HECTD3: variants seen among roughly 807,000 people sequenced by gnomAD.
HECTD3 encodes HECT domain E3 ubiquitin protein ligase 3.
HECTD3 carries 72 observed loss-of-function variants against 109.3 expected under a neutral mutation model. The observed-to-expected ratio is 0.66, with a 90% CI of 0.54 to 0.80. The LOEUF is 0.80. Among genes scored for constraint, HECTD3 ranks in the 30% least tolerant of loss-of-function variants. The pLI, the probability that HECTD3 is intolerant of heterozygous loss-of-function variation, is 0.00. For synonymous variants in HECTD3, 481 were observed against 471.8 expected (o/e 1.02, Z -0.25); for missense variants, 1,041 against 1,165.2 (o/e 0.89, Z 1.55).
Position 45,010,112 on chromosome 1 carries a change from G to C in HECTD3, c.633C>G (p.Pro211=), listed in dbSNP as rs772554745. ...AEAVQRLLYV[P]PTWTYECDED... ...CGTCGCACTCGTAGGTCCATGTCGGGGGTACATAGCTAAGCAACCCCAAGC... is the reference window on the plus strand; with the variant it reads ...CGTCGCACTCGTAGGTCCATGTCGGCGGTACATAGCTAAGCAACCCCAAGC... The change falls in exon 4 of 21, where the codon CCC becomes CCG. Residue 211 remains proline (P), a synonymous_variant. Coordinates refer to ENST00000372172, the MANE Select transcript of HECTD3 (RefSeq NM_024602.6). The C allele has an allele frequency of 3.1e-6, 5 of 1,607,860 alleles. No individual in the cohort carries two copies. The highest frequency in any genetic ancestry group is 2.2e-5 in the East Asian group (1 of 44,692).
At chr1:45,008,153 T>C (rs1644752488) in intron 9 of HECTD3, 87 bp downstream of exon 9, 1 of 1,028,300 alleles carries the variant, frequency 9.7e-7, no homozygotes, top group African/African-American at 1.6e-5. Flanking sequence ...TGCCCTAGAG[T>C]AGATTTTAGG....
chr1:45,004,202 G>A, intron 17 of HECTD3, 46 bp downstream of exon 17: 1 of 1,613,652 alleles, frequency 6.2e-7, no homozygotes, highest in Non-Finnish European at 8.5e-7. Context: ...CCCAACCCCT[G>A]TGCTGTGCTG....
Position 45,003,352 on chromosome 1 carries a change from C to A in HECTD3, c.*140G>T. On this transcript the variant is annotated 3_prime_UTR_variant, in exon 21 of 21. Transcript: ENST00000372172. The surrounding 1 kb of genome is among the most constrained non-coding windows in gnomAD (Gnocchi z 4.7). Reference sequence around the variant, plus strand: ...TACCTGACCATGCCAGCTGCCCCTACCCCAACTGCACACAGGAGCAGGGCA... The same window carrying A: ...TACCTGACCATGCCAGCTGCCCCTAACCCAACTGCACACAGGAGCAGGGCA... 1 of 715,388 alleles carries A rather than the reference C, an allele frequency of 1.4e-6. No individual in the cohort carries two copies. Among genetic ancestry groups the A allele is most frequent in the Non-Finnish European group, 2.4e-6 (1 of 414,624 alleles). The allele number at this position is 715,388 out of a possible 1,614,324, so 44.3% of individuals were successfully genotyped here. A position where few individuals can be genotyped will look rare whatever the true frequency, so the allele number is the denominator to read the frequency against.
chr1:45,004,947 C>A (rs947446464), intron 15 of HECTD3, 141 bp from the exon 16 acceptor site: 1 of 729,870 alleles, frequency 1.4e-6, no homozygotes, highest in Non-Finnish European at 2.4e-6. Flanking sequence ...GGTGTCAGTA[C>A]AAGAGCTGTA....
At position 45,009,600 on chromosome 1, in the gene HECTD3, TACCCAGTGTTGGCACTGGG is replaced by T. The variant is rs1644766435; in HGVS notation, c.824_842del (p.Ser275TyrfsTer5). ...TGGTGCCCTTCTTCATAGTAAGCCGTACCCAGTGTTGGCACTGGGACCCATCGCTCTCCCAGTAGGTATC... is the reference window on the plus strand; with the variant it reads ...TGGTGCCCTTCTTCATAGTAAGCCGTACCCATCGCTCTCCCAGTAGGTATC... On this transcript the variant is annotated frameshift_variant, in exon 5 of 21. Coordinates refer to ENST00000372172, the MANE Select transcript of HECTD3 (RefSeq NM_024602.6). LOFTEE classifies it high-confidence loss of function. The T allele has an allele frequency of 6.2e-7, 1 of 1,613,794 alleles. No homozygotes were observed. Among genetic ancestry groups the T allele is most frequent in the Admixed American group, 1.7e-5 (1 of 59,990 alleles).
At chr1:45,010,495 C>T (rs756800250) in intron 2 of HECTD3, 51 bp downstream of exon 2, 1 of 1,607,970 alleles carries the variant, frequency 6.2e-7, no homozygotes, top group Non-Finnish European at 8.5e-7. Flanking sequence ...GTTCCCAAGC[C>T]CTCCTGGCCC....
Position 45,006,151 on chromosome 1 carries a change from G to A in HECTD3, c.1726-35C>T, listed in dbSNP as rs1348172944. On this transcript the variant is annotated intron_variant, in intron 13 of 20. Coordinates refer to ENST00000372172, the MANE Select transcript of HECTD3 (RefSeq NM_024602.6). The surrounding 1 kb of genome is among the most constrained non-coding windows in gnomAD (Gnocchi z 4.7). Reference sequence around the variant, plus strand: ...AGACAGAGCTGTGAGTGTGGCATGAGATACACCCTATTTTCCTGGCCCAAA... The same window carrying A: ...AGACAGAGCTGTGAGTGTGGCATGAAATACACCCTATTTTCCTGGCCCAAA... The A allele has an allele frequency of 6.2e-7, 1 of 1,600,226 alleles. No homozygotes were observed.
intron 9 of HECTD3, 56 bp from the exon 10 acceptor site, chr1:45,007,651 G>A (rs1644748438): frequency 6.9e-7 from 1 of 1,448,514 alleles, no homozygotes; most frequent in African/African-American, 1.4e-5. Flanking sequence ...CTCCGTCCAG[G>A]CCCTGGAACT....
intron 1 of HECTD3, 32 bp from the exon 2 acceptor site, chr1:45,010,738 C>A: frequency 6.6e-7 from 1 of 1,525,930 alleles, no homozygotes; most frequent in Non-Finnish European, 8.8e-7. Flanking sequence ...GGACAGCCGT[C>A]AGGGAACTGC....
intron 15 of HECTD3, 36 bp downstream of exon 15, chr1:45,005,758 T>G (rs1383070133): frequency 6.5e-7 from 1 of 1,532,632 alleles, no homozygotes; most frequent in African/African-American, 1.4e-5. Context: ...CTTTAGGGGC[T>G]GGGCAGAGGA....
rs750237411 is a variant in HECTD3, at chr1:45,003,608, C to T, written c.2502-32G>A. 4.3e-6 allele frequency: 7 copies of T among 1,613,452 alleles called. No individual in the cohort carries two copies. The highest frequency in any genetic ancestry group is 5.9e-6 in the Non-Finnish European group (7 of 1,179,462). ...GAATGGGGACTTGGTCAGGTCCCTA[C>T]ATCGCTACCAGGGGTGATGGGGTCC... On this transcript the variant is annotated intron_variant, in intron 20 of 20. Coordinates refer to ENST00000372172, the MANE Select transcript of HECTD3 (RefSeq NM_024602.6). The surrounding 1 kb of genome is among the most constrained non-coding windows in gnomAD (Gnocchi z 4.7).
In HECTD3 at chr1:45,006,065, G is replaced by C; in HGVS notation, c.1777C>G (p.Arg593Gly). 3 of 1,614,150 alleles carry C rather than the reference G, an allele frequency of 1.9e-6. No homozygotes were observed. In the South Asian group the frequency reaches 3.3e-5, roughly 18 times the overall value. Residue 593 changes from arginine (R) to glycine (G), a missense_variant, in exon 14 of 21, where the codon CGA becomes GGA. Physicochemically the swap from Arg to Gly is moderately radical, Grantham distance 125. This residue lies in a region of HECTD3 where 569 missense variants were observed against 715.3 expected (regional missense o/e 0.80). Transcript: ENST00000372172. This position sits in a 1 kb window ranked among gnomAD's most constrained non-coding sequence, Gnocchi z 4.7. ...ATCCATTCATACTTGGCAAAGTCTC[G>C]GCAGGAGGGGTTGGGTACATACATG... ...RDMYVPNPSC[R>G]DFAKYEWIGQ...
chr1:45,004,228 CCCTGCCTTGG>C lies in HECTD3; in HGVS notation c.2272+10_2272+19del, dbSNP rs1406149333. The C allele has an allele frequency of 1.9e-6, 3 of 1,613,892 alleles. No individual in the cohort carries two copies. Among genetic ancestry groups the C allele is most frequent in the Non-Finnish European group, 2.5e-6 (3 of 1,179,886 alleles). ...TGCTGTGCTGTGCTGCCCTGCCCTG[CCCTGCCTTGG>C]GGAACTCACTGAGCTTGCGCAGAGC... On this transcript the variant is annotated intron_variant, in intron 17 of 20. Transcript: ENST00000372172.
In HECTD3 at chr1:45,010,882, A is replaced by G. The variant is rs781254415; in HGVS notation, c.369+7T>C. 3 of 1,517,380 alleles carry G rather than the reference A, an allele frequency of 2.0e-6. No individual in the cohort carries two copies. Among genetic ancestry groups the G allele is most frequent in the Non-Finnish European group, 2.6e-6 (3 of 1,144,224 alleles). 94.0% of individuals were successfully genotyped at this position (1,517,380 alleles called of 1,614,324 possible). On this transcript the variant is annotated splice_region_variant and intron_variant, in intron 1 of 20. Transcript: ENST00000372172. ...TTTTACCGGGTCCTGGGCAGGGAAG[A>G]GCGCACCTTTGTCAGCTTCACCCAG... is the stretch of plus-strand genomic sequence containing the variant.
Position 45,009,468 on chromosome 1 carries a change from G to GT in HECTD3, c.889dup (p.Thr297AsnfsTer7). On this transcript the variant is annotated frameshift_variant, in exon 6 of 21. Transcript: ENST00000372172. LOFTEE classifies it high-confidence loss of function. ...AAAGTTGTCATCTGTGGTATCCACT[G>GT]TGAGTAGCAGCTTCCTGAAGGGTCA... is the stretch of plus-strand genomic sequence containing the variant. 1 of 1,613,932 alleles carries GT rather than the reference G, an allele frequency of 6.2e-7. No homozygotes were observed. Among genetic ancestry groups the GT allele is most frequent in the Non-Finnish European group, 8.5e-7 (1 of 1,179,800 alleles).
chr1:45,004,779 T>C lies in HECTD3; in HGVS notation c.1963A>G (p.Met655Val). Reference protein sequence around the residue: ...LVKLLEVMEGMDKETFEFKFG... With the variant: ...LVKLLEVMEGVDKETFEFKFG... The stretch of plus-strand genomic sequence containing the variant: ...TTGAACTCAAACGTCTCCTTGTCCA[T>C]TCCTTCCATCACTTCCAGGAGCTTC... Residue 655 changes from methionine (M) to valine (V), a missense_variant, in exon 16 of 21, where the codon ATG becomes GTG. Coordinates refer to ENST00000372172, the MANE Select transcript of HECTD3 (RefSeq NM_024602.6). 6.2e-7 allele frequency: 1 copy of C among 1,614,200 alleles called. No homozygotes were observed. Among genetic ancestry groups the C allele is most frequent in the Non-Finnish European group, 8.5e-7 (1 of 1,180,016 alleles).
In HECTD3 at chr1:45,009,658, G is replaced by A; in HGVS notation, c.785C>T (p.Thr262Ile). The change falls in exon 5 of 21, where the codon ACA (threonine) becomes ATA (isoleucine). Residue 262 changes from threonine to isoleucine, a missense_variant. Around this residue, in one of 2 missense-constraint regions of HECTD3, gnomAD observed 472 missense variants for 449.9 expected, o/e 1.05. Coordinates refer to ENST00000372172, the MANE Select transcript of HECTD3 (RefSeq NM_024602.6). ...YTEEFNVSCL[T>I]DSNADTYWES... ...CCAGTAGGTATCGGCATTGCTGTCT[G>A]TCAGGCAGGACACGTTGAACTCCTC... 1 of 1,614,036 alleles carries A rather than the reference G, an allele frequency of 6.2e-7. No individual in the cohort carries two copies. The highest frequency in any genetic ancestry group is 8.5e-7 in the Non-Finnish European group (1 of 1,179,942).
At position 45,006,173 on chromosome 1, in the gene HECTD3, CAA is replaced by C; in HGVS notation, c.1726-59_1726-58del. 6.3e-7 allele frequency: 1 copy of C among 1,583,158 alleles called. No individual in the cohort carries two copies. The highest frequency in any genetic ancestry group is 2.3e-5 in the East Asian group (1 of 44,258). On this transcript the variant is annotated intron_variant, in intron 13 of 20. Transcript: ENST00000372172. The surrounding 1 kb of genome is among the most constrained non-coding windows in gnomAD (Gnocchi z 4.7). ...TGAGATACACCCTATTTTCCTGGCC[CAA>C]AGACTTCCCTGAACATTTTCCACTG...
chr1:45,004,910 G>T, intron 15 of HECTD3, 104 bp from the exon 16 acceptor site: 1 of 996,826 alleles, frequency 1.0e-6, no homozygotes, highest in South Asian at 1.3e-5. Flanking sequence ...AGGCAAGGCA[G>T]TCCCCATGGA....
Sources: allele counts gnomAD v4.1 joint callset, GRCh38; gene constraint gnomAD v4.1.1; regional missense constraint gnomAD v4.1.1; non-coding constraint Gnocchi (gnomAD v3.1); transcripts MANE v1.5; gene names NCBI Gene and HGNC (gene_info 2026-07-23, HGNC 2026-07-21).